ITPRIP: variants seen among roughly 807,000 people sequenced by gnomAD.
The protein encoded by ITPRIP is inositol 1,4,5-trisphosphate receptor interacting protein.
In ITPRIP, 32 loss-of-function variants were observed where a neutral mutation model predicts 35.8. The observed-to-expected ratio is 0.89, with a 90% CI of 0.68 to 1.20. The LOEUF (loss-of-function observed/expected upper bound fraction) is 1.20, where lower values mean the gene tolerates loss of function less well. Among genes scored for constraint, ITPRIP ranks in the 50% most tolerant of loss-of-function variants. The pLI is 0.00. For missense variants in ITPRIP, 653 were observed against 735.6 expected (o/e 0.89, Z 1.30); for synonymous variants, 358 against 324.0 (o/e 1.11, Z -1.13).
chr10:104,321,352 CTT>C (rs141758918), intron 1 of ITPRIP, among the ~76,000 whole-genome samples: 321 of 152,306 alleles, frequency 2.1e-3, no homozygotes, highest in African/African-American at 7.3e-3. Flanking sequence ...CACAGCTAAA[CTT>C]AGCCTGGCAA....
chr10:104,320,535 A>AT (rs34369154), intron 1 of ITPRIP, among the ~76,000 whole-genome samples: 1,792 of 131,666 alleles, frequency 0.014, 20 homozygotes, highest in East Asian at 0.037. Flanking sequence ...TCTGCCTGTA[A>AT]TTTTTTTTTT....
Position 104,316,015 on chromosome 10 carries a change from C to A in ITPRIP, c.37G>T (p.Val13Leu). The A allele has an allele frequency of 6.2e-7, 1 of 1,605,658 alleles. No individual in the cohort carries two copies. Among genetic ancestry groups the A allele is most frequent in the South Asian group, 1.1e-5 (1 of 90,212 alleles). ...MGLFRVCLVVVTAIINHPLLF... is the reference protein window; with the variant it reads ...MGLFRVCLVVLTAIINHPLLF... ...AGCGGGTGGTTGATGATGGCCGTCA[C>A]CACCACCAGACACACGCGGAAGAGC... Residue 13 changes from valine to leucine, a missense_variant, in exon 2 of 2, where the codon GTG (valine) becomes TTG (leucine). By Grantham distance (32) the Val-to-Leu change is conservative. Transcript: ENST00000337478.
chr10:104,320,968 G>A (rs752958474), intron 1 of ITPRIP, among the ~76,000 whole-genome samples: 5 of 152,158 alleles, frequency 3.3e-5, no homozygotes, highest in Non-Finnish European at 5.9e-5. Context: ...TTCAAATATT[G>A]TATAGAGTTG....
chr10:104,315,474 A>G lies in ITPRIP; in HGVS notation c.578T>C (p.Val193Ala). Reference sequence around the variant, plus strand: ...CTGCCAGTTCTCGTACATGCTGTCCACGCCAATGAAGTCCTCCACCTCCAT... The same window carrying G: ...CTGCCAGTTCTCGTACATGCTGTCCGCGCCAATGAAGTCCTCCACCTCCAT... ...TDMEVEDFIG[V>A]DSMYENWQVD... The change falls in exon 2 of 2, where the codon GTG becomes GCG. Residue 193 changes from valine to alanine, a missense_variant. By Grantham distance (64) the Val-to-Ala change is moderately conservative. Coordinates refer to ENST00000337478, the MANE Select transcript of ITPRIP (RefSeq NM_001272013.2). This position sits in a 1 kb window ranked among gnomAD's most constrained non-coding sequence, Gnocchi z 5.7. The G allele has an allele frequency of 1.2e-6, 2 of 1,613,946 alleles. No individual in the cohort carries two copies. Among genetic ancestry groups the G allele is most frequent in the South Asian group, 1.1e-5 (1 of 91,072 alleles).
In ITPRIP at chr10:104,313,912, C is replaced by G. The variant is rs1172796726; in HGVS notation, c.*496G>C. 1.0e-6 allele frequency: 1 copy of G among 988,490 alleles called. No individual in the cohort carries two copies. The highest frequency in any genetic ancestry group is 1.7e-5 in the African/African-American group (1 of 57,252). The allele number at this position is 988,490 out of a possible 1,614,324, so 61.2% of individuals were successfully genotyped here. On this transcript the variant is annotated 3_prime_UTR_variant, in exon 2 of 2. Coordinates refer to ENST00000337478, the MANE Select transcript of ITPRIP (RefSeq NM_001272013.2). The stretch of plus-strand genomic sequence containing the variant: ...AGGATGCGGATCAAAGGTGGACATT[C>G]CCATATCTGTCCCTGTTAGTGCTTT...
rs1301086653 is a variant in ITPRIP at position 104,314,327 on chromosome 10, G to A, written c.*81C>T. 3.3e-6 allele frequency: 5 copies of A among 1,530,966 alleles called. No homozygotes were observed. Among genetic ancestry groups the A allele is most frequent in the South Asian group, 1.3e-5 (1 of 76,752 alleles). 94.8% of individuals were successfully genotyped at this position (1,530,966 alleles called of 1,614,324 possible). A position where few individuals can be genotyped will look rare whatever the true frequency, so the allele number is the denominator to read the frequency against. ...GAAAGCCCGCCTTGTCCCCAGAACA[G>A]GGCTGGCAGATGCCACCAGGGGTGT... is the stretch of plus-strand genomic sequence containing the variant. On this transcript the variant is annotated 3_prime_UTR_variant, in exon 2 of 2. Transcript: ENST00000337478.
At chr10:104,316,778 A>C (rs2013705624) in intron 1 of ITPRIP, among the ~76,000 whole-genome samples, 1 of 152,178 alleles carries the variant, frequency 6.6e-6, no homozygotes, top group South Asian at 2.1e-4. Context: ...GTCCTGAATA[A>C]CATATCCCCT....
chr10:104,338,361 T>C lies in ITPRIP; in HGVS notation c.-129A>G, dbSNP rs1245911414. On this transcript the variant is annotated 5_prime_UTR_variant, in exon 1 of 2. Transcript: ENST00000337478. ...GCTTGCAGGCGGCTGCGGTGGAGCT[T>C]GCGGCCCGGCACTTAGAGGGGCGCG... The C allele has an allele frequency of 6.6e-6, 1 of 152,666 alleles. No homozygotes were observed. The highest frequency in any genetic ancestry group is 2.4e-5 in the African/African-American group (1 of 41,472). The allele number at this position is 152,666 out of a possible 1,614,324, so 9.5% of individuals were successfully genotyped here.
At position 104,326,679 on chromosome 10, in the gene ITPRIP, A is replaced by G. The variant is rs2014022558; in HGVS notation, c.-13-10615T>C. 2 of 152,216 alleles carry G rather than the reference A, an allele frequency of 1.3e-5. No individual in the cohort carries two copies. Among genetic ancestry groups the G allele is most frequent in the Non-Finnish European group, 2.9e-5 (2 of 68,056 alleles). The allele number at this position is 152,216 out of a possible 1,614,324, so 9.4% of individuals were successfully genotyped here. On this transcript the variant is annotated intron_variant, in intron 1 of 1. Transcript: ENST00000337478. This position sits in a 1 kb window ranked among gnomAD's most constrained non-coding sequence, Gnocchi z 4.8. ...AATATACGTCCTCGCGCTAATCCCCAGCCCCTATGAATGGGACCTAAAAGG... is the reference window on the plus strand; with the variant it reads ...AATATACGTCCTCGCGCTAATCCCCGGCCCCTATGAATGGGACCTAAAAGG...
chr10:104,337,027 C>A (rs1312536799), intron 1 of ITPRIP, among the ~76,000 whole-genome samples: 5 of 152,198 alleles, frequency 3.3e-5, no homozygotes, highest in African/African-American at 1.2e-4. Flanking sequence ...TGGCCCAGAG[C>A]AGCCGCAACA....
In ITPRIP at chr10:104,315,936, C is replaced by A; in HGVS notation, c.116G>T (p.Arg39Leu). ...TVPENEEEIIRKMQAHQEKLQ... is the reference protein window; with the variant it reads ...TVPENEEEIILKMQAHQEKLQ... ...CTTCTCCTGGTGCGCCTGCATCTTG[C>A]GGATGATCTCCTCCTCGTTCTCGGG... The change falls in exon 2 of 2, where the codon CGC (arginine) becomes CTC (leucine). Residue 39 changes from arginine to leucine, a missense_variant. Arg to Leu is a moderately radical substitution (Grantham distance 102). Coordinates refer to ENST00000337478, the MANE Select transcript of ITPRIP (RefSeq NM_001272013.2). This position sits in a 1 kb window ranked among gnomAD's most constrained non-coding sequence, Gnocchi z 5.7. The A allele has an allele frequency of 6.2e-7, 1 of 1,613,932 alleles. No individual in the cohort carries two copies. The highest frequency in any genetic ancestry group is 1.1e-5 in the South Asian group (1 of 91,074).
At chr10:104,321,866 G>C (rs1468514880) in intron 1 of ITPRIP, among the ~76,000 whole-genome samples, 1 of 152,010 alleles carries the variant, frequency 6.6e-6, no homozygotes, top group Non-Finnish European at 1.5e-5. Flanking sequence ...GTCTGTCTTT[G>C]CCAGCAAAGC....
chr10:104,325,436 G>A (rs895990741), intron 1 of ITPRIP, among the ~76,000 whole-genome samples: 25 of 152,138 alleles, frequency 1.6e-4, no homozygotes, highest in African/African-American at 6.0e-4. Flanking sequence ...ACCTAGGCCT[G>A]ATTACTCCCG....
intron 1 of ITPRIP, among the ~76,000 whole-genome samples, chr10:104,319,910 A>T (rs2013800887): frequency 6.6e-6 from 1 of 152,132 alleles, no homozygotes. Flanking sequence ...AACAGCATTA[A>T]CGTTAAAACA....
At position 104,315,227 on chromosome 10, in the gene ITPRIP, G is replaced by A; in HGVS notation, c.825C>T (p.Ser275=). The A allele has an allele frequency of 1.9e-6, 3 of 1,613,760 alleles. No individual in the cohort carries two copies. The highest frequency in any genetic ancestry group is 2.5e-6 in the Non-Finnish European group (3 of 1,179,826). ...DMLCLLHGRN[S]MAPPCGDMEN... The stretch of plus-strand genomic sequence containing the variant: ...CCATGTCGCCGCAGGGAGGCGCCAT[G>A]CTGTTCCTGCCGTGCAGGAGACACA... Residue 275 remains serine (S), a synonymous_variant, in exon 2 of 2, where the codon AGC becomes AGT. Transcript: ENST00000337478. This position sits in a 1 kb window ranked among gnomAD's most constrained non-coding sequence, Gnocchi z 5.7.
In ITPRIP at chr10:104,338,058, TG is replaced by T. The variant is rs1334374200; in HGVS notation, c.-14+187del. On this transcript the variant is annotated intron_variant, in intron 1 of 1. Transcript: ENST00000337478. ...ACCGCGAGGAGACAATACGCCCGCC[TG>T]GGCACGCGCGCTTTAAGGGAAGGGG... is the stretch of plus-strand genomic sequence containing the variant. Among the ~76,000 whole-genome samples, 3 of 152,160 alleles carry T rather than the reference TG, an allele frequency of 2.0e-5. No homozygotes were observed. In the East Asian group the frequency reaches 5.8e-4, roughly 29 times the overall value.
chr10:104,319,079 G>A (rs987428416), intron 1 of ITPRIP, among the ~76,000 whole-genome samples: 1 of 152,246 alleles, frequency 6.6e-6, no homozygotes, highest in African/African-American at 2.4e-5. Context: ...CAGGGCACCA[G>A]CCTGGGGAAG....
chr10:104,314,775 C>T lies in ITPRIP; in HGVS notation c.1277G>A (p.Ser426Asn). The change falls in exon 2 of 2, where the codon AGC becomes AAC. Residue 426 changes from serine (S) to asparagine (N), a missense_variant. By Grantham distance (46) the Ser-to-Asn change is conservative. Coordinates refer to ENST00000337478, the MANE Select transcript of ITPRIP (RefSeq NM_001272013.2). ...LSKQSRLTGP[S>N]GLSSYHLKTA... is the part of the protein sequence containing the mutation. ...CTTCAGGTGGTAGCTGCTGAGCCCG[C>T]TGGGACCGGTCAGGCGGCTCTGCTT... The T allele has an allele frequency of 6.2e-7, 1 of 1,613,936 alleles. No homozygotes were observed. Among genetic ancestry groups the T allele is most frequent in the Non-Finnish European group, 8.5e-7 (1 of 1,180,004 alleles).
Position 104,312,769 on chromosome 10 carries a change from T to C in ITPRIP, c.*1639A>G, listed in dbSNP as rs276209. 0.33 allele frequency: 328,527 copies of C among 984,680 alleles called. 59,836 individuals are homozygous for C. The highest frequency in any genetic ancestry group is 0.72 in the African/African-American group (40,922 of 57,124). 61.0% of individuals were successfully genotyped at this position (984,680 alleles called of 1,614,324 possible). ...GGCTGGTTGAGAGCACTCCTGGGGA[T>C]GGGGGAAGGATCTCCTTCCTTCAGT... On this transcript the variant is annotated 3_prime_UTR_variant, in exon 2 of 2. Transcript: ENST00000337478.
Sources: gnomAD v4.1 joint callset for allele counts (sites outside exome capture counted in the v4.1 genomes callset) on GRCh38, gnomAD v4.1.1 for gene constraint, Gnocchi (gnomAD v3.1) non-coding constraint, MANE v1.5 for transcripts, NCBI Gene and HGNC (gene_info 2026-07-23, HGNC 2026-07-21) for gene names.